The following ZDHHC14 variants were observed in gnomAD, a reference collection of about 807,000 sequenced individuals.
ZDHHC14 encodes zDHHC palmitoyltransferase 14.
ZDHHC14 carries 16 observed loss-of-function variants against 47.7 expected under a neutral mutation model. The observed-to-expected ratio is 0.34, with a 90% CI of 0.23 to 0.51. The LOEUF is 0.51. ZDHHC14 is among the 20% of genes least tolerant of loss of function. The pLI, the probability that ZDHHC14 is intolerant of heterozygous loss-of-function variation, is 0.97. For missense variants in ZDHHC14, 515 were observed against 662.5 expected, an observed-to-expected ratio of 0.78 and a Z score of 2.44; for synonymous variants, 293 against 278.9, an observed-to-expected ratio of 1.05 and a Z score of -0.50.
intron 4 of ZDHHC14, 141 bp from the exon 5 acceptor site, chr6:157,632,693 G>A (rs1477430736): frequency 1.6e-5 from 13 of 820,264 alleles, no homozygotes; most frequent in East Asian, 9.8e-5. Flanking sequence ...ATCTCTGATC[G>A]GTAAACTGGG....
At chr6:157,507,266 C>T (rs1428821480) in intron 1 of ZDHHC14, among the ~76,000 whole-genome samples, 2 of 148,308 alleles carry the variant, frequency 1.3e-5, no homozygotes, top group South Asian at 2.2e-4. Flanking sequence ...CCTTATATAA[C>T]ATTTTATATT....
intron 1 of ZDHHC14, among the ~76,000 whole-genome samples, chr6:157,391,008 G>C (rs1209843884): frequency 3.3e-5 from 5 of 152,144 alleles, no homozygotes; most frequent in African/African-American, 1.2e-4. Flanking sequence ...CAGGCCACTA[G>C]TGTGTGTGAG....
intron 1 of ZDHHC14, among the ~76,000 whole-genome samples, chr6:157,408,583 A>C (rs1230510589): frequency 2.6e-5 from 4 of 152,064 alleles, no homozygotes; most frequent in Non-Finnish European, 4.4e-5. Context: ...AATTTCCTGA[A>C]GCTCCATCCG....
At chr6:157,408,532 T>C (rs1364005414) in intron 1 of ZDHHC14, among the ~76,000 whole-genome samples, 2 of 152,230 alleles carry the variant, frequency 1.3e-5, no homozygotes, top group African/African-American at 4.8e-5. Flanking sequence ...CTCCCACTTC[T>C]AAGTGAGAAC....
At chr6:157,402,626 C>A (rs1241871203) in intron 1 of ZDHHC14, among the ~76,000 whole-genome samples, 1 of 152,194 alleles carries the variant, frequency 6.6e-6, no homozygotes, top group Non-Finnish European at 1.5e-5. Flanking sequence ...TGGACAATTT[C>A]TTGTTTTACA....
intron 1 of ZDHHC14, among the ~76,000 whole-genome samples, chr6:157,529,361 AC>A (rs1402122384): frequency 6.6e-6 from 1 of 152,224 alleles, no homozygotes; most frequent in African/African-American, 2.4e-5. Context: ...AGCAAAACTA[AC>A]CAGTACGGTC....
chr6:157,409,899 G>T (rs1386455615), intron 1 of ZDHHC14, among the ~76,000 whole-genome samples: 1 of 151,946 alleles, frequency 6.6e-6, no homozygotes, highest in Non-Finnish European at 1.5e-5. Flanking sequence ...CGCGATCTCG[G>T]CTCACTGCAA....
intron 3 of ZDHHC14, among the ~76,000 whole-genome samples, chr6:157,619,225 TA>T (rs751645044): frequency 2.2e-3 from 316 of 141,334 alleles, no homozygotes; most frequent in South Asian, 3.2e-3. Context: ...TACTAAAAAT[TA>T]AAAAAAAAAA....
At chr6:157,645,330 T>C (rs1333031300) in intron 5 of ZDHHC14, among the ~76,000 whole-genome samples, 2 of 152,054 alleles carry the variant, frequency 1.3e-5, no homozygotes, top group Non-Finnish European at 2.9e-5. Flanking sequence ...TGCGAGTCAA[T>C]ATGTCGTCCT....
chr6:157,600,985 G>A (rs1159390235), intron 3 of ZDHHC14, among the ~76,000 whole-genome samples: 3 of 152,220 alleles, frequency 2.0e-5, no homozygotes, highest in Admixed American at 1.3e-4. Flanking sequence ...CCTGGGTGCC[G>A]TTTCGGAGCA....
intron 1 of ZDHHC14, among the ~76,000 whole-genome samples, chr6:157,405,541 A>AT (rs550499277): frequency 1.2e-4 from 18 of 151,822 alleles, no homozygotes; most frequent in East Asian, 1.9e-4. Context: ...CGAGCTCAAA[A>AT]TTTTTTTTAA....
chr6:157,516,038 AC>A (rs1780681346), intron 1 of ZDHHC14, among the ~76,000 whole-genome samples: 1 of 152,054 alleles, frequency 6.6e-6, no homozygotes, highest in Non-Finnish European at 1.5e-5. Flanking sequence ...AGCCACCACT[AC>A]CTCCAGAGTA....
intron 2 of ZDHHC14, among the ~76,000 whole-genome samples, chr6:157,560,949 A>C (rs149946862): frequency 0.026 from 3,898 of 152,322 alleles, 163 homozygotes; most frequent in African/African-American, 0.087. Flanking sequence ...CCACTAGAAC[A>C]TGAGAAAGAA....
At chr6:157,488,483 A>C (rs1779834929) in intron 1 of ZDHHC14, among the ~76,000 whole-genome samples, 1 of 152,348 alleles carries the variant, frequency 6.6e-6, no homozygotes, top group South Asian at 2.1e-4. Context: ...CTATAGGGAC[A>C]GTCAGAAAAT....
chr6:157,671,825 C>A (rs1336972812), intron 8 of ZDHHC14, among the ~76,000 whole-genome samples: 1 of 152,154 alleles, frequency 6.6e-6, no homozygotes, highest in African/African-American at 2.4e-5. Flanking sequence ...ACCAAACAGT[C>A]TTTTCTTTTT....
intron 2 of ZDHHC14, among the ~76,000 whole-genome samples, chr6:157,585,257 C>G (rs192948246): frequency 6.6e-5 from 10 of 152,064 alleles, no homozygotes; most frequent in Non-Finnish European, 8.8e-5. Flanking sequence ...ACTTGCCTAA[C>G]TGCTAGAGGT....
intron 5 of ZDHHC14, among the ~76,000 whole-genome samples, chr6:157,645,373 A>G (rs500374): frequency 0.41 from 61,893 of 151,934 alleles, 14,077 homozygotes; most frequent in Admixed American, 0.51. Context: ...GCCAACTCAA[A>G]CCAGTGTGCT....
At chr6:157,643,650 AATATATATATATATAT>A (rs3056787) in intron 5 of ZDHHC14, among the ~76,000 whole-genome samples, 2 of 72,522 alleles carry the variant, frequency 2.8e-5, no homozygotes, top group Non-Finnish European at 6.0e-5. Flanking sequence ...CTTCATCTCA[AATATATATATATATAT>A]ATATATATAT....
At chr6:157,667,743 C>T (rs1388898030) in intron 8 of ZDHHC14, among the ~76,000 whole-genome samples, 1 of 152,176 alleles carries the variant, frequency 6.6e-6, no homozygotes, top group Non-Finnish European at 1.5e-5. Context: ...GTTTATGAAC[C>T]CATCGCCCTT....
Sources: gnomAD v4.1 joint callset for allele counts (sites outside exome capture counted in the v4.1 genomes callset) on GRCh38, gnomAD v4.1.1 for gene constraint, MANE v1.5 for transcripts, NCBI Gene and HGNC (gene_info 2026-07-23, HGNC 2026-07-21) for gene names.